The following TMTC2 variants were observed in gnomAD, a reference collection of about 807,000 sequenced individuals.
TMTC2 encodes the protein protein O-mannosyl-transferase TMTC2.
TMTC2 carries 43 observed loss-of-function variants against 82.4 expected under a neutral mutation model. The observed-to-expected ratio is 0.52, with a 90% confidence interval of 0.41 to 0.67. The LOEUF (loss-of-function observed/expected upper bound fraction) is 0.67. Ranked by LOEUF, TMTC2 falls within the 30% of genes least tolerant of loss-of-function variation. The probability of loss-of-function intolerance (pLI) is 0.00; values close to 1 mark genes in which losing one functional copy is unlikely to be tolerated. For synonymous variants in TMTC2, 408 were observed against 381.9 expected (o/e 1.07, Z -0.80); for missense variants, 919 against 1,012.4 (o/e 0.91, Z 1.25).
intron 1 of TMTC2, among the ~76,000 whole-genome samples, chr12:82,856,314 G>A (rs1253909430): frequency 6.6e-6 from 1 of 152,206 alleles, no homozygotes; most frequent in Admixed American, 6.5e-5. Context: ...TAAGAAGTGG[G>A]AAAGGCTGAA....
At chr12:82,722,378 C>T (rs1218990923) in intron 1 of TMTC2, among the ~76,000 whole-genome samples, 1 of 143,538 alleles carries the variant, frequency 7.0e-6, no homozygotes, top group Non-Finnish European at 1.5e-5. Context: ...CACGGTGAAA[C>T]CCCGTCTCTA....
At chr12:82,710,844 T>A (rs1873585619) in intron 1 of TMTC2, among the ~76,000 whole-genome samples, 2 of 152,206 alleles carry the variant, frequency 1.3e-5, no homozygotes, top group African/African-American at 4.8e-5. Context: ...ATAGGGCTGT[T>A]AAGAGCATGG....
chr12:83,022,960 C>T (rs899789500), intron 8 of TMTC2, among the ~76,000 whole-genome samples: 8 of 152,052 alleles, frequency 5.3e-5, no homozygotes, highest in African/African-American at 1.2e-4. Flanking sequence ...TTCATGCTAG[C>T]GGACATTGAG....
intron 11 of TMTC2, among the ~76,000 whole-genome samples, chr12:83,086,758 A>C (rs1268373713): frequency 2.6e-5 from 4 of 152,220 alleles, no homozygotes; most frequent in African/African-American, 9.6e-5. Context: ...TAAGAAAACA[A>C]TATACATACC....
intron 2 of TMTC2, among the ~76,000 whole-genome samples, chr12:82,865,610 G>T (rs1029655216): frequency 6.6e-6 from 1 of 152,050 alleles, no homozygotes; most frequent in African/African-American, 2.4e-5. Context: ...AACGAGACAG[G>T]AAATTAACAA....
rs1385292920 is a variant in TMTC2 at position 82,861,680 on chromosome 12, G to A, written c.654+4100G>A. Among the ~76,000 whole-genome samples the A allele has an allele frequency of 9.2e-5, 14 of 152,204 alleles. No individual in the cohort carries two copies. The South Asian group carries it at 1.0e-3, about 11-fold the overall frequency. On this transcript the variant is annotated intron_variant, in intron 2 of 11. Transcript: ENST00000321196. ...TATTTAGCTTATGTAACAAATGCTC[G>A]TTGAGATAAGTAATATGACTTACAA...
At chr12:82,876,256 T>C (rs976900949) in intron 2 of TMTC2, among the ~76,000 whole-genome samples, 19 of 151,070 alleles carry the variant, frequency 1.3e-4, no homozygotes, top group African/African-American at 4.7e-4. Context: ...GTAGTGATGT[T>C]GATGGGATGG....
intron 11 of TMTC2, among the ~76,000 whole-genome samples, chr12:83,109,861 C>T (rs1294179077): frequency 2.0e-5 from 3 of 152,160 alleles, no homozygotes; most frequent in African/African-American, 7.2e-5. Flanking sequence ...AAACACTTTA[C>T]TTTTTCTTTA....
intron 11 of TMTC2, among the ~76,000 whole-genome samples, chr12:83,113,866 G>A (rs1296783119): frequency 6.6e-6 from 1 of 152,126 alleles, no homozygotes; most frequent in Non-Finnish European, 1.5e-5. Flanking sequence ...GTTTGACCTG[G>A]TCATCCTAAC....
chr12:82,963,829 A>T (rs1175374675), intron 4 of TMTC2, among the ~76,000 whole-genome samples: 2 of 95,788 alleles, frequency 2.1e-5, no homozygotes, highest in African/African-American at 1.2e-4. Flanking sequence ...ATATATATAT[A>T]TATATATATA....
At chr12:82,811,969 C>T (rs1164942947) in intron 1 of TMTC2, among the ~76,000 whole-genome samples, 2 of 151,816 alleles carry the variant, frequency 1.3e-5, no homozygotes, top group Admixed American at 6.6e-5. Flanking sequence ...AGGCACCTGT[C>T]ACCACACCTG....
At chr12:82,934,461 T>C (rs1419818588) in intron 4 of TMTC2, among the ~76,000 whole-genome samples, 2 of 151,904 alleles carry the variant, frequency 1.3e-5, no homozygotes, top group East Asian at 3.9e-4. Context: ...CTCCCACTTA[T>C]GAGTGAGAAC....
rs562715496 is a variant in TMTC2, at chr12:82,901,920, AG to A, written c.1483+5276del. 9.2e-5 allele frequency among the ~76,000 whole-genome samples: 14 copies of A among 152,066 alleles called. No homozygotes were observed. The South Asian group carries it at 2.7e-3, about 29-fold the overall frequency. ...TACTGCAGCTCTGTTGGTATGGGGG[AG>A]GAAAAATGTTCTATTATTTTATGAC... On this transcript the variant is annotated intron_variant, in intron 3 of 11. Transcript: ENST00000321196.
At chr12:82,851,357 A>T (rs1870966214) in intron 1 of TMTC2, among the ~76,000 whole-genome samples, 2 of 151,992 alleles carry the variant, frequency 1.3e-5, no homozygotes, top group Non-Finnish European at 2.9e-5. Context: ...TTGAACCCAG[A>T]AGGTGGAGGG....
At chr12:82,732,482 A>G (rs898068929) in intron 1 of TMTC2, among the ~76,000 whole-genome samples, 1 of 152,112 alleles carries the variant, frequency 6.6e-6, no homozygotes, top group Non-Finnish European at 1.5e-5. Flanking sequence ...AGCTGGGACT[A>G]CAGGCACCCG....
chr12:82,895,277 T>A (rs923271112), intron 2 of TMTC2, among the ~76,000 whole-genome samples: 5 of 152,088 alleles, frequency 3.3e-5, no homozygotes, highest in African/African-American at 1.2e-4. Flanking sequence ...TTTAAGACAA[T>A]GAAATGGGGA....
At chr12:82,721,567 C>T (rs537843401) in intron 1 of TMTC2, among the ~76,000 whole-genome samples, 2 of 152,228 alleles carry the variant, frequency 1.3e-5, no homozygotes, top group Admixed American at 6.5e-5. Flanking sequence ...CTGAAAAAGA[C>T]CCACTACATC....
intron 11 of TMTC2, among the ~76,000 whole-genome samples, chr12:83,062,378 A>G (rs544201822): frequency 6.6e-6 from 1 of 151,876 alleles, no homozygotes; most frequent in South Asian, 2.1e-4. Context: ...TTCTATTGAA[A>G]TAGAGTAACC....
intron 9 of TMTC2, among the ~76,000 whole-genome samples, chr12:83,046,361 G>T (rs1038507418): frequency 3.3e-5 from 5 of 152,140 alleles, no homozygotes; most frequent in Admixed American, 1.3e-4. Flanking sequence ...CAGGGAACTT[G>T]TTAAAAATGC....
Sources: allele counts gnomAD v4.1 joint callset (sites outside exome capture counted in the v4.1 genomes callset), GRCh38; gene constraint gnomAD v4.1.1; transcripts MANE v1.5; gene names NCBI Gene and HGNC (gene_info 2026-07-23, HGNC 2026-07-21).